The following TNKS2 variants were observed in gnomAD, a reference collection of about 807,000 sequenced individuals.
TNKS2 encodes poly [ADP-ribose] polymerase tankyrase-2.
A neutral mutation model predicts 137.6 loss-of-function variants in TNKS2; 72 were observed. The observed-to-expected ratio is 0.52, with a 90% CI of 0.43 to 0.64. The LOEUF is 0.64. Ranked by LOEUF, TNKS2 falls within the 30% of genes least tolerant of loss-of-function variation. TNKS2 has a pLI of 0.00. For synonymous variants in TNKS2, 516 were observed against 512.1 expected (o/e 1.01, Z -0.10); for missense variants, 1,049 against 1,410.2 (o/e 0.74, Z 4.10).
Position 91,798,766 on chromosome 10 carries a change from C to G in TNKS2, c.76C>G (p.Arg26Gly). The G allele has an allele frequency of 1.6e-6, 2 of 1,266,746 alleles. No individual in the cohort carries two copies. The highest frequency in any genetic ancestry group is 2.0e-6 in the Non-Finnish European group (2 of 999,272). The allele number at this position is 1,266,746 out of a possible 1,614,324, so 78.5% of individuals were successfully genotyped here. A position where few individuals can be genotyped will look rare whatever the true frequency, so the allele number is the denominator to read the frequency against. Reference protein sequence around the residue: ...AAAEAVEPAARELFEACRNGD... With the variant: ...AAAEAVEPAAGELFEACRNGD... ...GGCCGAGGCCGTGGAGCCGGCCGCCCGAGAGCTGTTCGAGGCGTGCCGCAA... is the reference window on the plus strand; with the variant it reads ...GGCCGAGGCCGTGGAGCCGGCCGCCGGAGAGCTGTTCGAGGCGTGCCGCAA... Residue 26 changes from arginine to glycine, a missense_variant, in exon 1 of 27, where the codon CGA becomes GGA. Physicochemically the swap from Arg to Gly is moderately radical, Grantham distance 125 (BLOSUM62 -2). Coordinates refer to ENST00000371627, the MANE Select transcript of TNKS2 (RefSeq NM_025235.4).
At position 91,798,778 on chromosome 10, in the gene TNKS2, G is replaced by C; in HGVS notation, c.88G>C (p.Glu30Gln). The change falls in exon 1 of 27, where the codon GAG (glutamate) becomes CAG (glutamine). Residue 30 changes from glutamate to glutamine, a missense_variant. Glu to Gln is a conservative substitution (Grantham distance 29). Around this residue, in one of 6 missense-constraint regions of TNKS2, gnomAD observed 374 missense variants for 460.8 expected, o/e 0.81. Transcript: ENST00000371627. ...GGAGCCGGCCGCCCGAGAGCTGTTC[G>C]AGGCGTGCCGCAACGGGGACGTGGA... Reference protein sequence around the residue: ...AVEPAARELFEACRNGDVERV... With the variant: ...AVEPAARELFQACRNGDVERV... 2.3e-6 allele frequency: 3 copies of C among 1,290,852 alleles called. No homozygotes were observed. The highest frequency in any genetic ancestry group is 3.0e-6 in the Non-Finnish European group (3 of 1,010,368). The allele number at this position is 1,290,852 out of a possible 1,614,324, so 80.0% of individuals were successfully genotyped here. A position where few individuals can be genotyped will look rare whatever the true frequency, so the allele number is the denominator to read the frequency against.
At chr10:91,798,975 C>T in intron 1 of TNKS2, 86 bp downstream of exon 1, 2 of 1,263,918 alleles carry the variant, frequency 1.6e-6, no homozygotes, top group Non-Finnish European at 1.0e-6. Context: ...TGCTCCTCCG[C>T]CTCCCGACCT....
chr10:91,830,898 TA>T, intron 9 of TNKS2, 24 bp from the exon 10 acceptor site: 1 of 1,552,130 alleles, frequency 6.4e-7, no homozygotes, highest in Non-Finnish European at 8.8e-7. Context: ...AGTCCTTGAT[TA>T]ATGCTGCAAT....
At chr10:91,802,891 A>G (rs1172363137) in intron 1 of TNKS2, among the ~76,000 whole-genome samples, 2 of 152,242 alleles carry the variant, frequency 1.3e-5, no homozygotes, top group African/African-American at 4.8e-5. Context: ...TCTATTTAGG[A>G]ATTCATCATC....
intron 1 of TNKS2, among the ~76,000 whole-genome samples, chr10:91,800,241 G>GT (rs1281487438): frequency 6.6e-6 from 1 of 152,208 alleles, no homozygotes; most frequent in Non-Finnish European, 1.5e-5. Flanking sequence ...AATTTCGGTG[G>GT]TAAGTGCTGC....
intron 13 of TNKS2, among the ~76,000 whole-genome samples, chr10:91,838,502 ACATGCTATTAGAAAACCTATCT>A (rs1395979679): frequency 6.6e-6 from 1 of 152,254 alleles, no homozygotes; most frequent in African/African-American, 2.4e-5. Context: ...TTTATTCGAC[ACATGCTATTAGAAAACCTATCT>A]CAGAGTGGAC....
At chr10:91,828,629 A>T (rs1444303028) in intron 9 of TNKS2, among the ~76,000 whole-genome samples, 3 of 152,210 alleles carry the variant, frequency 2.0e-5, no homozygotes, top group Admixed American at 6.5e-5. Flanking sequence ...GAAAAAAAAA[A>T]TTATTCATAT....
intron 15 of TNKS2, 104 bp downstream of exon 15, chr10:91,841,552 C>A: frequency 1.3e-6 from 1 of 769,142 alleles, no homozygotes; most frequent in Non-Finnish European, 1.9e-6. Flanking sequence ...CAATGGGAAG[C>A]AATGTTACCT....
intron 1 of TNKS2, among the ~76,000 whole-genome samples, chr10:91,800,272 T>G (rs1022773822): frequency 6.6e-6 from 1 of 152,242 alleles, no homozygotes; most frequent in African/African-American, 2.4e-5. Flanking sequence ...CTAATTTAGG[T>G]TGTCCTGTTT....
rs937512425 is a variant in TNKS2, at chr10:91,798,679, G to A, written c.-12G>A. ...GCTGGCGCTGTTGCTGGCTGTGGCG[G>A]CGGCCAGGATCATGTCGGGTCGCCG... On this transcript the variant is annotated 5_prime_UTR_variant, in exon 1 of 27. Transcript: ENST00000371627. 1.1e-5 allele frequency: 13 copies of A among 1,225,196 alleles called. No homozygotes were observed. The African/African-American group carries it at 1.9e-4, about 18-fold the overall frequency. The allele number at this position is 1,225,196 out of a possible 1,614,324, so 75.9% of individuals were successfully genotyped here. A position where few individuals can be genotyped will look rare whatever the true frequency, so the allele number is the denominator to read the frequency against.
rs1842894541 is a variant in TNKS2 at position 91,863,097 on chromosome 10, C to T, written c.*98C>T. The T allele has an allele frequency of 1.2e-6, 1 of 803,822 alleles. No individual in the cohort carries two copies. The highest frequency in any genetic ancestry group is 1.8e-5 in the African/African-American group (1 of 57,140). 49.8% of individuals were successfully genotyped at this position (803,822 alleles called of 1,614,324 possible). A position where few individuals can be genotyped will look rare whatever the true frequency, so the allele number is the denominator to read the frequency against. Reference sequence around the variant, plus strand: ...CTTTGCTGAAAAAAAATCATCTTGCCCACAGGCCTGTGGCAAAAGGATAAA... The same window carrying T: ...CTTTGCTGAAAAAAAATCATCTTGCTCACAGGCCTGTGGCAAAAGGATAAA... On this transcript the variant is annotated 3_prime_UTR_variant, in exon 27 of 27. Coordinates refer to ENST00000371627, the MANE Select transcript of TNKS2 (RefSeq NM_025235.4).
chr10:91,818,492 T>A (rs1844781905), intron 3 of TNKS2, among the ~76,000 whole-genome samples: 1 of 151,992 alleles, frequency 6.6e-6, no homozygotes, highest in Admixed American at 6.6e-5. Flanking sequence ...GTATATTGAG[T>A]TTTGTTTGTT....
At chr10:91,857,590 C>G in intron 24 of TNKS2, 60 bp downstream of exon 24, 1 of 1,125,492 alleles carries the variant, frequency 8.9e-7, no homozygotes, top group Non-Finnish European at 1.3e-6. Flanking sequence ...TTTTTTTGTT[C>G]AGATATGAAA....
intron 2 of TNKS2, among the ~76,000 whole-genome samples, chr10:91,814,385 T>A (rs1844605436): frequency 6.6e-6 from 1 of 152,244 alleles, no homozygotes; most frequent in South Asian, 2.1e-4. Flanking sequence ...TTTAAAAATT[T>A]AAAAATTTCT....
At chr10:91,825,219 C>T (rs1845030467) in intron 7 of TNKS2, among the ~76,000 whole-genome samples, 1 of 152,112 alleles carries the variant, frequency 6.6e-6, no homozygotes, top group African/African-American at 2.4e-5. Flanking sequence ...CCTCCCACCT[C>T]AGCCTCCCAA....
At position 91,828,338 on chromosome 10, in the gene TNKS2, C is replaced by A. The variant is rs140168418; in HGVS notation, c.1036C>A (p.Arg346=). The A allele has an allele frequency of 2.1e-5, 33 of 1,607,124 alleles. No individual in the cohort carries two copies. In the East Asian group the frequency reaches 6.5e-4, roughly 32 times the overall value. Residue 346 remains arginine (R), a synonymous_variant, in exon 9 of 27, where the codon CGA becomes AGA. Transcript: ENST00000371627. ...AGCTGCACGAGAAGCTGATGTTACTCGAATCAAAAAACATCTCTCTCTGGA... is the reference window on the plus strand; with the variant it reads ...AGCTGCACGAGAAGCTGATGTTACTAGAATCAAAAAACATCTCTCTCTGGA... ...LQAAREADVT[R]IKKHLSLEMV...
chr10:91,821,611 TC>T (rs1844894836), intron 6 of TNKS2, among the ~76,000 whole-genome samples: 1 of 152,154 alleles, frequency 6.6e-6, no homozygotes. Flanking sequence ...TTTTAAAGTT[TC>T]ACCGTATCTT....
At chr10:91,825,483 T>TA (rs1254119244) in intron 7 of TNKS2, among the ~76,000 whole-genome samples, 1 of 152,226 alleles carries the variant, frequency 6.6e-6, no homozygotes, top group Admixed American at 6.5e-5. Flanking sequence ...AACCATCTGA[T>TA]ATGAAAGATG....
rs1845234167 is a variant in TNKS2 at position 91,831,156 on chromosome 10, AAGT to A, written c.1254_1256del (p.Val420del). 6.2e-7 allele frequency: 1 copy of A among 1,613,998 alleles called. No homozygotes were observed. Among genetic ancestry groups the A allele is most frequent in the Middle Eastern group, 1.7e-4 (1 of 6,058 alleles). The stretch of plus-strand genomic sequence containing the variant: ...GAGAAAGCTCATAATGATGTTGTTG[AAGT>A]AGTGGTGAAACATGAAGCAAAGGTA... On this transcript the variant is annotated inframe_deletion, in exon 11 of 27. Coordinates refer to ENST00000371627, the MANE Select transcript of TNKS2 (RefSeq NM_025235.4).
Sources: allele counts gnomAD v4.1 joint callset (sites outside exome capture counted in the v4.1 genomes callset), GRCh38; gene constraint gnomAD v4.1.1; regional missense constraint gnomAD v4.1.1; transcripts MANE v1.5; gene names NCBI Gene and HGNC (gene_info 2026-07-23, HGNC 2026-07-21).